Variants in TC2N observed in about 807,000 individuals in gnomAD.
TC2N encodes tandem C2 domains, nuclear.
Under a neutral mutation model 61.9 loss-of-function variants are expected in TC2N, and 51 were observed. The ratio of observed to expected loss-of-function variants is 0.82; its 90% CI spans 0.66 to 1.04. TC2N has a LOEUF of 1.04. Among genes scored for constraint, TC2N ranks in the 50% least tolerant of loss-of-function variants. TC2N has a pLI of 0.00. For synonymous variants in TC2N, 204 were observed against 192.6 expected, an observed-to-expected ratio of 1.06 and a Z score of -0.49; for missense variants, 556 against 566.7, an observed-to-expected ratio of 0.98 and a Z score of 0.19.
chr14:91,816,482 T>C (rs80012194), intron 1 of TC2N, among the ~76,000 whole-genome samples: 2,456 of 151,932 alleles, frequency 0.016, 28 homozygotes, highest in Non-Finnish European at 0.024. Flanking sequence ...CTTTTTCTTC[T>C]CCAGTTTTTG....
chr14:91,847,454 T>C (rs996382310), intron 1 of TC2N, among the ~76,000 whole-genome samples: 2 of 152,194 alleles, frequency 1.3e-5, no homozygotes, highest in African/African-American at 2.4e-5. Context: ...GATAAGGTGA[T>C]GCAGTTTCTA....
chr14:91,792,093 T>C (rs1885685096), intron 9 of TC2N, among the ~76,000 whole-genome samples: 1 of 151,028 alleles, frequency 6.6e-6, no homozygotes, highest in South Asian at 2.1e-4. Context: ...CACTCCAGCC[T>C]GGGCGACAGA....
At chr14:91,786,890 T>C (rs79199269) in intron 10 of TC2N, among the ~76,000 whole-genome samples, 243 of 152,320 alleles carry the variant, frequency 1.6e-3, no homozygotes, top group African/African-American at 4.9e-3. Context: ...CTTACTCTAA[T>C]TTCTTTGGGT....
chr14:91,844,171 G>A (rs1341525695), intron 1 of TC2N, among the ~76,000 whole-genome samples: 1 of 152,176 alleles, frequency 6.6e-6, no homozygotes. Flanking sequence ...GACAGGGTCT[G>A]TGAGGGCCAG....
chr14:91,831,273 T>C (rs1022721827), intron 1 of TC2N, among the ~76,000 whole-genome samples: 4 of 152,206 alleles, frequency 2.6e-5, no homozygotes, highest in Non-Finnish European at 1.5e-5. Context: ...AAATTAATTC[T>C]AGTAAGTTAG....
chr14:91,790,822 G>T (rs1354054539), intron 9 of TC2N, among the ~76,000 whole-genome samples: 2 of 152,078 alleles, frequency 1.3e-5, no homozygotes, highest in Non-Finnish European at 2.9e-5. Context: ...CAGCACATTG[G>T]GGGTTGAGAT....
chr14:91,855,009 C>T (rs140515111), intron 1 of TC2N, among the ~76,000 whole-genome samples: 318 of 152,178 alleles, frequency 2.1e-3, no homozygotes, highest in African/African-American at 7.2e-3. Flanking sequence ...GGGCTGGGAG[C>T]TGAGTTTGGG....
At chr14:91,784,254 A>G (rs1486068532) in intron 11 of TC2N, among the ~76,000 whole-genome samples, 1 of 152,174 alleles carries the variant, frequency 6.6e-6, no homozygotes, top group African/African-American at 2.4e-5. Context: ...ATGATATACG[A>G]AAACTTTAAC....
In TC2N at chr14:91,787,545, T is replaced by C. The variant is rs890065992; in HGVS notation, c.1130A>G (p.Tyr377Cys). 3 of 1,612,782 alleles carry C rather than the reference T, an allele frequency of 1.9e-6. No homozygotes were observed. Among genetic ancestry groups the C allele is most frequent in the African/African-American group, 1.3e-5 (1 of 74,998 alleles). The change falls in exon 10 of 12, where the codon TAC becomes TGC. Residue 377 changes from tyrosine (Y) to cysteine (C), a missense_variant. Coordinates refer to ENST00000435962, the MANE Select transcript of TC2N (RefSeq NM_001128596.3). ...CAGAGGTGTTGATGAGCTTGGAAGG[T>C]ACCGTGCCTCAAGAATTTGTAACTG... ...RIQLQILEARYLPSSSTPLTL... is the reference protein window; with the variant it reads ...RIQLQILEARCLPSSSTPLTL...
intron 1 of TC2N, among the ~76,000 whole-genome samples, chr14:91,832,436 A>C (rs1053383656): frequency 9.9e-5 from 15 of 152,122 alleles, no homozygotes; most frequent in Non-Finnish European, 2.1e-4. Context: ...ACAACAACAA[A>C]AAAATGGCCA....
At chr14:91,823,918 C>G (rs1887377833) in intron 1 of TC2N, among the ~76,000 whole-genome samples, 1 of 152,134 alleles carries the variant, frequency 6.6e-6, no homozygotes. Flanking sequence ...CAACAAAACA[C>G]TTCTTAGGGC....
rs138151601 is a variant in TC2N, at chr14:91,866,513, G to C, written c.-57+749C>G. On this transcript the variant is annotated intron_variant, in intron 1 of 11. Transcript: ENST00000435962. ...TTAGAAGCAATTATTTAGGATGAAC[G>C]TTTTCACCCACATGAAAGTTGGAAG... 2.4e-4 allele frequency: 37 copies of C among 152,278 alleles called. 1 individual carries two copies. The highest frequency in any genetic ancestry group is 7.5e-4 in the African/African-American group (31 of 41,570). 9.4% of individuals were successfully genotyped at this position (152,278 alleles called of 1,614,324 possible).
intron 1 of TC2N, among the ~76,000 whole-genome samples, chr14:91,849,325 A>G (rs1011017945): frequency 2.0e-5 from 3 of 152,348 alleles, no homozygotes; most frequent in African/African-American, 4.8e-5. Flanking sequence ...CTAGAAAAAA[A>G]AAACAGTCCT....
chr14:91,838,906 T>G (rs1888115305), intron 1 of TC2N, among the ~76,000 whole-genome samples: 2 of 152,242 alleles, frequency 1.3e-5, no homozygotes. Flanking sequence ...CCTTTCTTTG[T>G]GCTCTTATTT....
chr14:91,794,151 C>T (rs951245461), intron 8 of TC2N, among the ~76,000 whole-genome samples: 1 of 152,104 alleles, frequency 6.6e-6, no homozygotes, highest in African/African-American at 2.4e-5. Flanking sequence ...TTCTATGAAG[C>T]CTGAGAGAAG....
At chr14:91,794,868 G>C (rs1403382518) in intron 8 of TC2N, among the ~76,000 whole-genome samples, 1 of 152,178 alleles carries the variant, frequency 6.6e-6, no homozygotes, top group Admixed American at 6.5e-5. Context: ...GCCATAGATA[G>C]TGATTCCTCT....
At chr14:91,799,190 G>T in intron 5 of TC2N, 126 bp from the exon 6 acceptor site, 2 of 512,140 alleles carry the variant, frequency 3.9e-6, no homozygotes, top group Admixed American at 4.0e-5. Flanking sequence ...TTACAGGTCA[G>T]AATTTCCCAC....
chr14:91,800,342 C>G lies in TC2N; in HGVS notation c.500G>C (p.Gly167Ala). 6.2e-7 allele frequency: 1 copy of G among 1,603,772 alleles called. No homozygotes were observed. The highest frequency in any genetic ancestry group is 8.5e-7 in the Non-Finnish European group (1 of 1,174,526). ...VCDLRTNKLP[G>A]SPGLSKSMFD... ...CATAGATTTGCTTAGCCCAGGGGAA[C>G]CGGGAAGTTTGTTCGTCCTTAAATC... The change falls in exon 5 of 12, where the codon GGT becomes GCT. Residue 167 changes from glycine to alanine, a missense_variant. Physicochemically the swap from Gly to Ala is moderately conservative, Grantham distance 60. Transcript: ENST00000435962.
chr14:91,844,544 A>G (rs1449027367), intron 1 of TC2N, among the ~76,000 whole-genome samples: 1 of 151,944 alleles, frequency 6.6e-6, no homozygotes, highest in Non-Finnish European at 1.5e-5. Context: ...CGGGCAGATC[A>G]TGAGGTTAAG....
Sources: gnomAD v4.1 joint callset for allele counts (sites outside exome capture counted in the v4.1 genomes callset) on GRCh38, gnomAD v4.1.1 for gene constraint, MANE v1.5 for transcripts, NCBI Gene and HGNC (gene_info 2026-07-23, HGNC 2026-07-21) for gene names.